Variants in GHR observed in about 807,000 individuals in gnomAD.
GHR encodes growth hormone receptor.
GHR carries 35 observed loss-of-function variants against 67.1 expected under a neutral mutation model. That is an observed-to-expected ratio of 0.52 (90% CI 0.40 to 0.69). GHR has a LOEUF of 0.69. Ranked by LOEUF, GHR falls within the 30% of genes least tolerant of loss-of-function variation. The pLI is 0.00. For missense variants in GHR, 792 were observed against 764.6 expected (o/e 1.04, Z -0.42); for synonymous variants, 272 against 269.1 (o/e 1.01, Z -0.10).
At chr5:42,706,022 G>A (rs1390840706) in intron 6 of GHR, among the ~76,000 whole-genome samples, 3 of 152,122 alleles carry the variant, frequency 2.0e-5, no homozygotes, top group South Asian at 2.1e-4. Context: ...CAGGATATAA[G>A]TGTTCCCTTT....
intron 2 of GHR, among the ~76,000 whole-genome samples, chr5:42,609,015 G>A (rs1044182917): frequency 1.3e-5 from 2 of 152,076 alleles, no homozygotes; most frequent in African/African-American, 4.8e-5. Context: ...TCTGGGTTCA[G>A]GAAAGAAAGG....
chr5:42,680,872 T>C (rs930706289), intron 3 of GHR, among the ~76,000 whole-genome samples: 2 of 152,084 alleles, frequency 1.3e-5, no homozygotes, highest in South Asian at 4.1e-4. Flanking sequence ...TATTATACTT[T>C]GTTCTGGCAT....
intron 1 of GHR, among the ~76,000 whole-genome samples, chr5:42,482,442 C>T (rs1464792491): frequency 6.6e-6 from 1 of 152,232 alleles, no homozygotes; most frequent in Non-Finnish European, 1.5e-5. Flanking sequence ...GCAGAGGTTA[C>T]TGCTGTCTTT....
At chr5:42,623,652 T>C (rs917566364) in intron 2 of GHR, among the ~76,000 whole-genome samples, 1 of 152,206 alleles carries the variant, frequency 6.6e-6, no homozygotes, top group African/African-American at 2.4e-5. Context: ...TGTTAACAGA[T>C]ATTCCATTGT....
At position 42,467,409 on chromosome 5, in the gene GHR, C is replaced by T. The variant is rs139547609; in HGVS notation, c.-12+43454C>T. ...AGGGCTTCTCCCCAGTGTGGATCCT[C>T]TGGTGGACAATATGGTTTGAGCTCC... On this transcript the variant is annotated intron_variant, in intron 1 of 9. Transcript: ENST00000230882. The T allele has an allele frequency of 1.7e-5, 16 of 925,010 alleles. No homozygotes were observed. In the African/African-American group the frequency reaches 2.4e-4, roughly 14 times the overall value. The allele number at this position is 925,010 out of a possible 1,614,324, so 57.3% of individuals were successfully genotyped here.
intron 2 of GHR, among the ~76,000 whole-genome samples, chr5:42,572,869 G>C (rs992988700): frequency 1.3e-5 from 2 of 152,178 alleles, no homozygotes; most frequent in Non-Finnish European, 1.5e-5. Flanking sequence ...TTGGCAGAGA[G>C]GTGGGGGTAG....
At chr5:42,442,795 A>C (rs1198199536) in intron 1 of GHR, among the ~76,000 whole-genome samples, 1 of 152,234 alleles carries the variant, frequency 6.6e-6, no homozygotes, top group Non-Finnish European at 1.5e-5. Context: ...ACAAAAACAC[A>C]AACACAGAAA....
At chr5:42,603,646 A>AAAAC (rs372808608) in intron 2 of GHR, among the ~76,000 whole-genome samples, 4 of 152,138 alleles carry the variant, frequency 2.6e-5, no homozygotes, top group Non-Finnish European at 1.5e-5. Flanking sequence ...CTTCTGAGTA[A>AAAAC]AAACAAACAA....
chr5:42,719,280 T>C lies in GHR; in HGVS notation c.1773T>C (p.Pro591=). Residue 591 remains proline, a synonymous_variant, in exon 10 of 10, where the codon CCT becomes CCC. Transcript: ENST00000230882. ...TGEHVPGSEM[P]VPDYTSIHIV... ...AACATGTTCCAGGTTCTGAGATGCCTGTCCCAGACTATACCTCCATTCATA... is the reference window on the plus strand; with the variant it reads ...AACATGTTCCAGGTTCTGAGATGCCCGTCCCAGACTATACCTCCATTCATA... The C allele has an allele frequency of 6.2e-7, 1 of 1,614,176 alleles. No homozygotes were observed. Among genetic ancestry groups the C allele is most frequent in the Non-Finnish European group, 8.5e-7 (1 of 1,180,014 alleles).
chr5:42,486,061 G>A (rs535926775), intron 1 of GHR, among the ~76,000 whole-genome samples: 97 of 152,168 alleles, frequency 6.4e-4, no homozygotes, highest in Non-Finnish European at 1.1e-3. Flanking sequence ...CAGGAATTCT[G>A]ATTTCAGCAG....
At chr5:42,521,137 C>T (rs910377321) in intron 1 of GHR, among the ~76,000 whole-genome samples, 3 of 152,140 alleles carry the variant, frequency 2.0e-5, no homozygotes, top group Admixed American at 6.6e-5. Context: ...CAGCTGGATG[C>T]GTATATGGCA....
chr5:42,528,945 T>C (rs1325782230), intron 1 of GHR, among the ~76,000 whole-genome samples: 2 of 152,130 alleles, frequency 1.3e-5, no homozygotes, highest in Non-Finnish European at 2.9e-5. Context: ...TTAAAGTATA[T>C]ACATTGTGCT....
Position 42,673,012 on chromosome 5 carries a change from C to T in GHR, c.137-15878C>T, listed in dbSNP as rs1038779489. Among the ~76,000 whole-genome samples, 3 of 152,142 alleles carry T rather than the reference C, an allele frequency of 2.0e-5. No homozygotes were observed. In the South Asian group the frequency reaches 6.2e-4, roughly 31 times the overall value. ...TGGGTGAAAATCTTCACAAACTGTGCTTCCAACCAAGATCTAATATCTGGC... is the reference window on the plus strand; with the variant it reads ...TGGGTGAAAATCTTCACAAACTGTGTTTCCAACCAAGATCTAATATCTGGC... On this transcript the variant is annotated intron_variant, in intron 3 of 9. Transcript: ENST00000230882.
intron 3 of GHR, among the ~76,000 whole-genome samples, chr5:42,676,730 T>G (rs1349743643): frequency 6.6e-6 from 1 of 152,214 alleles, no homozygotes; most frequent in Non-Finnish European, 1.5e-5. Flanking sequence ...ACTAGCAGCA[T>G]CCACTCAGGA....
intron 6 of GHR, among the ~76,000 whole-genome samples, chr5:42,705,856 C>T (rs180900045): frequency 2.4e-4 from 36 of 152,178 alleles, no homozygotes; most frequent in Admixed American, 1.2e-3. Flanking sequence ...GATGAACACA[C>T]GCATGCATGT....
chr5:42,597,550 G>T (rs1276167670), intron 2 of GHR, among the ~76,000 whole-genome samples: 10 of 152,132 alleles, frequency 6.6e-5, no homozygotes. Flanking sequence ...CAGTGCCAGG[G>T]TCGAGGAAAG....
At chr5:42,638,977 T>G (rs1370990521) in intron 3 of GHR, among the ~76,000 whole-genome samples, 1 of 152,172 alleles carries the variant, frequency 6.6e-6, no homozygotes, top group Non-Finnish European at 1.5e-5. Context: ...GACCAAAACA[T>G]CATTGTGTGG....
Position 42,696,327 on chromosome 5 carries a change from G to A in GHR, c.439+1238G>A, listed in dbSNP as rs1011365573. On this transcript the variant is annotated intron_variant, in intron 5 of 9. Transcript: ENST00000230882. The stretch of plus-strand genomic sequence containing the variant: ...GTGATAGGTGTTAGCCTGGAAATAC[G>A]TGGAATGCAGAGCTGCAAAGGTGGT... Among the ~76,000 whole-genome samples the A allele has an allele frequency of 3.9e-5, 6 of 152,210 alleles. No individual in the cohort carries two copies. In the East Asian group the frequency reaches 7.7e-4, roughly 20 times the overall value.
intron 2 of GHR, among the ~76,000 whole-genome samples, chr5:42,625,854 T>C (rs150781673): frequency 0.024 from 3,643 of 152,104 alleles, 136 homozygotes; most frequent in African/African-American, 0.08. Flanking sequence ...GGATTCTCTA[T>C]AGAATGTGGA....
Sources: allele counts gnomAD v4.1 joint callset (sites outside exome capture counted in the v4.1 genomes callset), GRCh38; gene constraint gnomAD v4.1.1; transcripts MANE v1.5; gene names NCBI Gene and HGNC (gene_info 2026-07-23, HGNC 2026-07-21).